Variants in NREP observed in about 807,000 individuals in gnomAD.
The protein encoded by NREP is neuronal regeneration-related protein.
A neutral mutation model predicts 8.6 loss-of-function variants in NREP; 5 were observed. That is an observed-to-expected ratio of 0.58 (90% CI 0.30 to 1.22). The LOEUF is 1.22. Among genes scored for constraint, NREP ranks in the 50% most tolerant of loss-of-function variants. The pLI is 0.07. For synonymous variants in NREP, 27 were observed against 28.0 expected, an observed-to-expected ratio of 0.96 and a Z score of 0.11; for missense variants, 86 against 82.5, an observed-to-expected ratio of 1.04 and a Z score of -0.17.
intron 2 of NREP, among the ~76,000 whole-genome samples, chr5:111,787,388 T>C (rs565117087): frequency 6.0e-4 from 92 of 152,364 alleles, no homozygotes; most frequent in African/African-American, 2.1e-3. Context: ...AACCATCTTA[T>C]TGTTCTTTTG....
chr5:111,922,706 T>G (rs1169131159), intron 2 of NREP, among the ~76,000 whole-genome samples: 1 of 152,188 alleles, frequency 6.6e-6, no homozygotes, highest in Non-Finnish European at 1.5e-5. Flanking sequence ...GATGAAAAGT[T>G]TGGTGAAGAG....
intron 2 of NREP, among the ~76,000 whole-genome samples, chr5:111,803,586 C>G (rs927716784): frequency 3.3e-5 from 5 of 152,072 alleles, no homozygotes; most frequent in Non-Finnish European, 7.4e-5. Context: ...TTGTTCAAAG[C>G]ATTTATGTTA....
intron 2 of NREP, among the ~76,000 whole-genome samples, chr5:111,938,061 C>T (rs1755731445): frequency 6.6e-6 from 1 of 152,048 alleles, no homozygotes; most frequent in African/African-American, 2.4e-5. Context: ...AGCTTTCCCT[C>T]AGGGTTTCCT....
chr5:111,805,386 TG>T (rs1284058368), intron 2 of NREP, among the ~76,000 whole-genome samples: 2 of 152,214 alleles, frequency 1.3e-5, no homozygotes, highest in Non-Finnish European at 2.9e-5. Flanking sequence ...TGCATATTTG[TG>T]GTAGCTAAAT....
upstream of NREP, among the ~76,000 whole-genome samples, chr5:111,761,232 A>G (rs1750953323): frequency 6.6e-6 from 1 of 152,218 alleles, no homozygotes; most frequent in Admixed American, 6.5e-5. Flanking sequence ...TTTATAGAAC[A>G]AAACTTATAT....
At chr5:111,844,712 T>A (rs1753116844) in intron 2 of NREP, among the ~76,000 whole-genome samples, 1 of 148,060 alleles carries the variant, frequency 6.8e-6, no homozygotes, top group Admixed American at 6.8e-5. Flanking sequence ...CTCTTAGCCA[T>A]TGAAAAATAT....
intron 2 of NREP, among the ~76,000 whole-genome samples, chr5:111,765,457 C>T (rs1165205944): frequency 2.0e-5 from 3 of 152,296 alleles, no homozygotes; most frequent in African/African-American, 4.8e-5. Flanking sequence ...AGGCATTCTC[C>T]GTGTACAGGC....
At chr5:111,906,379 T>G (rs1754778674) in intron 2 of NREP, among the ~76,000 whole-genome samples, 1 of 152,106 alleles carries the variant, frequency 6.6e-6, no homozygotes, top group Admixed American at 6.6e-5. Context: ...GCAAGTAGCT[T>G]TTTAAGAATT....
upstream of NREP, chr5:111,757,716 T>C (rs938900061): frequency 1.7e-5 from 17 of 984,476 alleles, no homozygotes; most frequent in East Asian, 2.3e-4. Flanking sequence ...CCCGCAGCTC[T>C]GCGCCCCGGC....
rs1444448714 is a variant in NREP, at chr5:111,975,803, T to A, written c.31-425A>T. Among the ~76,000 whole-genome samples, 3 of 152,202 alleles carry A rather than the reference T, an allele frequency of 2.0e-5. No individual in the cohort carries two copies. In the East Asian group the frequency reaches 5.8e-4, roughly 29 times the overall value. The stretch of plus-strand genomic sequence containing the variant: ...GTCAACCTGAAATAGAATTGATTCA[T>A]TCCTGTTATTCTTCCCCAAAAATAG... On this transcript the variant is annotated intron_variant, in intron 1 of 3. Coordinates refer to the NREP transcript ENST00000395634.
intron 2 of NREP, among the ~76,000 whole-genome samples, chr5:111,842,277 G>A (rs1470237966): frequency 1.3e-5 from 2 of 152,088 alleles, no homozygotes; most frequent in Non-Finnish European, 2.9e-5. Flanking sequence ...AATATGATTT[G>A]CTATGCTAGA....
At chr5:111,757,702 C>A (rs928353067), upstream of NREP, 1 of 984,382 alleles carries the variant, frequency 1.0e-6, no homozygotes. Flanking sequence ...GGAGACAAAG[C>A]GGACCCGCAG....
intron 2 of NREP, among the ~76,000 whole-genome samples, chr5:111,794,568 C>T (rs1253498543): frequency 6.6e-6 from 1 of 152,016 alleles, no homozygotes; most frequent in Non-Finnish European, 1.5e-5. Context: ...TGAAAGAAGC[C>T]AATCTGAAGT....
intron 2 of NREP, among the ~76,000 whole-genome samples, chr5:111,829,934 A>G (rs778010511): frequency 1.3e-5 from 2 of 152,216 alleles, no homozygotes; most frequent in African/African-American, 2.4e-5. Context: ...GACTGGGTGT[A>G]CAGTGCTGAT....
intron 2 of NREP, among the ~76,000 whole-genome samples, chr5:111,902,145 A>G (rs1020508046): frequency 1.3e-5 from 2 of 152,140 alleles, no homozygotes; most frequent in East Asian, 1.9e-4. Flanking sequence ...ATTAATCTAT[A>G]TATTTTCAGC....
chr5:111,882,072 A>C (rs578195265), intron 2 of NREP, among the ~76,000 whole-genome samples: 1 of 152,342 alleles, frequency 6.6e-6, no homozygotes, highest in East Asian at 1.9e-4. Flanking sequence ...AAAGAAGTTC[A>C]AAACTTTGAA....
At chr5:111,835,745 G>A (rs140288686) in intron 2 of NREP, among the ~76,000 whole-genome samples, 139 of 152,150 alleles carry the variant, frequency 9.1e-4, no homozygotes, top group Middle Eastern at 3.4e-3. Flanking sequence ...AGGCTTTTGA[G>A]CCTGTTTATA....
chr5:111,966,729 C>A (rs554722587), intron 2 of NREP, among the ~76,000 whole-genome samples: 1 of 152,166 alleles, frequency 6.6e-6, no homozygotes, highest in Non-Finnish European at 1.5e-5. Context: ...ACTTTATATA[C>A]TTAAGCATTT....
intron 2 of NREP, among the ~76,000 whole-genome samples, chr5:111,831,352 C>A (rs1752763517): frequency 6.6e-6 from 1 of 152,152 alleles, no homozygotes. Flanking sequence ...TCAGCCAACT[C>A]AGGTCATACC....
Sources: gnomAD v4.1 joint callset for allele counts (sites outside exome capture counted in the v4.1 genomes callset) on GRCh38, gnomAD v4.1.1 for gene constraint, MANE v1.5 for transcripts, NCBI Gene and HGNC (gene_info 2026-07-23, HGNC 2026-07-21) for gene names.